The following ANK2 variants were observed in gnomAD, a reference collection of about 807,000 sequenced individuals.
ANK2 encodes ankyrin-2.
Under a neutral mutation model 360.5 loss-of-function variants are expected in ANK2, and 83 were observed. The ratio of observed to expected loss-of-function variants is 0.23; its 90% CI spans 0.19 to 0.28. The LOEUF (loss-of-function observed/expected upper bound fraction) is 0.28, where lower values mean the gene tolerates loss of function less well. Among genes scored for constraint, ANK2 ranks in the 10% least tolerant of loss-of-function variants. The pLI is 1.00. For missense variants in ANK2, 4,201 were observed against 4,795.7 expected (o/e 0.88, Z 3.66); for synonymous variants, 1,740 against 1,759.5 (o/e 0.99, Z 0.28).
At chr4:112,913,603 TGA>T (rs1184388357) in intron 2 of ANK2, among the ~76,000 whole-genome samples, 1 of 152,206 alleles carries the variant, frequency 6.6e-6, no homozygotes, top group African/African-American at 2.4e-5. Flanking sequence ...TTTAATACCT[TGA>T]ATTCTCTGGA....
intron 2 of ANK2, among the ~76,000 whole-genome samples, chr4:112,911,388 T>G (rs1258620627): frequency 2.0e-5 from 3 of 151,896 alleles, no homozygotes; most frequent in Non-Finnish European, 4.4e-5. Flanking sequence ...CCGGGCGTGG[T>G]GGTTGGCACC....
At chr4:112,767,465 G>A in the ANK2 span, among the ~76,000 whole-genome samples, 158 of 152,180 alleles carry the variant, frequency 1.0e-3, no homozygotes, top group African/African-American at 3.2e-3. Flanking sequence ...GGAGGCTGAA[G>A]CAGGAGAATC....
the ANK2 span, among the ~76,000 whole-genome samples, chr4:112,774,591 C>T: frequency 1.3e-5 from 2 of 152,164 alleles, no homozygotes; most frequent in African/African-American, 4.8e-5. Flanking sequence ...AAATGAAGCT[C>T]TCATAGAGGT....
At chr4:113,221,066 G>T in intron 4 of ANK2, among the ~76,000 whole-genome samples, 1 of 152,188 alleles carries the variant, frequency 6.6e-6, no homozygotes. Flanking sequence ...TACTAGAGAG[G>T]AAGATTTGGA....
chr4:112,878,665 G>A (rs969960702), intron 1 of ANK2, among the ~76,000 whole-genome samples: 1 of 151,848 alleles, frequency 6.6e-6, no homozygotes, highest in Middle Eastern at 3.4e-3. Flanking sequence ...ACGGAGTCTC[G>A]CTCTGTCGCC....
intron 26 of ANK2, among the ~76,000 whole-genome samples, chr4:113,320,292 C>A (rs567133517): frequency 1.3e-4 from 20 of 152,276 alleles, no homozygotes; most frequent in African/African-American, 4.8e-4. Flanking sequence ...GAATCTCAAG[C>A]ATTTAATACT....
At chr4:113,306,913 A>G (rs2077484322) in intron 23 of ANK2, among the ~76,000 whole-genome samples, 2 of 152,250 alleles carry the variant, frequency 1.3e-5, no homozygotes, top group South Asian at 4.1e-4. Context: ...ATTCAGTCTA[A>G]CAGAATTATA....
intron 1 of ANK2, among the ~76,000 whole-genome samples, chr4:112,821,178 G>A (rs1442108039): frequency 1.3e-5 from 2 of 151,942 alleles, no homozygotes; most frequent in Non-Finnish European, 2.9e-5. Context: ...GTCTCCCAAA[G>A]TGCTGGGATT....
At position 112,921,329 on chromosome 4, in the gene ANK2, CTG is replaced by C. The variant is rs1290888413; in HGVS notation, c.21+16819_21+16820del. Among the ~76,000 whole-genome samples, 13 of 144,690 alleles carry C rather than the reference CTG, an allele frequency of 9.0e-5. 1 individual carries two copies. In the South Asian group the frequency reaches 2.6e-3, roughly 29 times the overall value. The allele number at this position is 144,690 out of a possible 152,430, so 94.9% of individuals were successfully genotyped here. A position where few individuals can be genotyped will look rare whatever the true frequency, so the allele number is the denominator to read the frequency against. ...CGTGAGCCACTGCACCCGGCTGATT[CTG>C]TGTATTATTTTCTTATGAGAAATAT... On this transcript the variant is annotated intron_variant, in intron 2 of 30. Transcript: ENST00000503271.
chr4:113,192,242 A>G lies in ANK2; in HGVS notation c.187-4126A>G, dbSNP rs182019595. Among the ~76,000 whole-genome samples, 25 of 152,220 alleles carry G rather than the reference A, an allele frequency of 1.6e-4. No individual in the cohort carries two copies. The East Asian group carries it at 1.7e-3, about 11-fold the overall frequency. On this transcript the variant is annotated intron_variant, in intron 2 of 45. Transcript: ENST00000357077. ...CTTAAAGTGATTTTTGTGAGTGCCA[A>G]TGTTTTATTTATTTGATCTAAAAGG... is the stretch of plus-strand genomic sequence containing the variant.
At chr4:112,914,446 C>A (rs373288134) in intron 2 of ANK2, among the ~76,000 whole-genome samples, 8 of 151,960 alleles carry the variant, frequency 5.3e-5, no homozygotes, top group African/African-American at 1.9e-4. Context: ...CATGATGGAA[C>A]CCCGTCTCTA....
chr4:113,375,208 G>T (rs1384059171), intron 45 of ANK2, among the ~76,000 whole-genome samples: 1 of 152,134 alleles, frequency 6.6e-6, no homozygotes, highest in East Asian at 1.9e-4. Context: ...CAGAATCTCT[G>T]GAGCTGGTAT....
chr4:112,997,731 T>C (rs540377375), intron 2 of ANK2, among the ~76,000 whole-genome samples: 39 of 152,092 alleles, frequency 2.6e-4, no homozygotes, highest in African/African-American at 7.7e-4. Flanking sequence ...GTATACAACA[T>C]GGTATGTATA....
chr4:113,176,031 T>C (rs1444526322), intron 2 of ANK2, among the ~76,000 whole-genome samples: 3 of 152,212 alleles, frequency 2.0e-5, no homozygotes, highest in Non-Finnish European at 4.4e-5. Flanking sequence ...TGAGCAACCT[T>C]GAGGGATTAG....
chr4:112,902,961 T>C (rs1376991090), intron 1 of ANK2, among the ~76,000 whole-genome samples: 1 of 152,118 alleles, frequency 6.6e-6, no homozygotes, highest in East Asian at 1.9e-4. Flanking sequence ...TCAGAGAGCC[T>C]CCTGGAAACT....
At chr4:113,085,383 G>A (rs943738869) in intron 1 of ANK2, among the ~76,000 whole-genome samples, 20 of 151,302 alleles carry the variant, frequency 1.3e-4, no homozygotes, top group African/African-American at 4.9e-4. Flanking sequence ...GCCCAATCTT[G>A]GCTCACTGCA....
intron 1 of ANK2, among the ~76,000 whole-genome samples, chr4:113,103,697 A>G (rs1183354304): frequency 6.6e-6 from 1 of 152,186 alleles, no homozygotes; most frequent in Non-Finnish European, 1.5e-5. Context: ...TTAATGCTTC[A>G]TCAACATTTA....
At chr4:112,761,305 T>A in the ANK2 span, among the ~76,000 whole-genome samples, 1 of 152,150 alleles carries the variant, frequency 6.6e-6, no homozygotes, top group Non-Finnish European at 1.5e-5. Flanking sequence ...AACAGTGTTC[T>A]GAGTTGGTGC....
At chr4:113,246,401 C>T (rs1261958821) in intron 9 of ANK2, among the ~76,000 whole-genome samples, 2 of 152,148 alleles carry the variant, frequency 1.3e-5, no homozygotes, top group East Asian at 3.8e-4. Flanking sequence ...TCATCATTGA[C>T]TACTATCTAA....
Sources: gnomAD v4.1 joint callset for allele counts (sites outside exome capture counted in the v4.1 genomes callset) on GRCh38, gnomAD v4.1.1 for gene constraint, MANE v1.5 for transcripts, NCBI Gene and HGNC (gene_info 2026-07-23, HGNC 2026-07-21) for gene names.